The following CAMK2D variants were observed in gnomAD, a reference collection of about 807,000 sequenced individuals.
CAMK2D encodes calcium/calmodulin-dependent protein kinase type II subunit delta.
In CAMK2D, 37 loss-of-function variants were observed where a neutral mutation model predicts 84.0. That is an observed-to-expected ratio of 0.44 (90% CI 0.34 to 0.58). The LOEUF is 0.58. Among genes scored for constraint, CAMK2D ranks in the 20% least tolerant of loss-of-function variants. The pLI, the probability that CAMK2D is intolerant of heterozygous loss-of-function variation, is 0.02. For missense variants in CAMK2D, 448 were observed against 652.5 expected (o/e 0.69, Z 3.41); for synonymous variants, 202 against 212.5 (o/e 0.95, Z 0.43).
intron 12 of CAMK2D, among the ~76,000 whole-genome samples, chr4:113,510,296 A>G (rs2154161117): frequency 6.6e-6 from 1 of 152,338 alleles, no homozygotes; most frequent in South Asian, 2.1e-4. Flanking sequence ...GGCATTATGT[A>G]TTCTTTTATA....
At chr4:113,503,188 A>T in intron 14 of CAMK2D, 1 of 725,370 alleles carries the variant, frequency 1.4e-6, no homozygotes, top group Non-Finnish European at 2.5e-6. Context: ...CCTACCCAGA[A>T]GCAGCATGCA....
chr4:113,663,593 T>A (rs935913137), intron 2 of CAMK2D, among the ~76,000 whole-genome samples: 1 of 147,250 alleles, frequency 6.8e-6, no homozygotes, highest in Non-Finnish European at 1.5e-5. Flanking sequence ...TGTCTAAAAA[T>A]AATAATAATA....
At chr4:113,743,711 A>C (rs2099598193) in intron 2 of CAMK2D, among the ~76,000 whole-genome samples, 1 of 152,114 alleles carries the variant, frequency 6.6e-6, no homozygotes, top group Non-Finnish European at 1.5e-5. Flanking sequence ...TTGCATTATC[A>C]GTCCTTCTCT....
chr4:113,552,573 A>C (rs985649967), intron 4 of CAMK2D, among the ~76,000 whole-genome samples: 3 of 152,232 alleles, frequency 2.0e-5, no homozygotes, highest in African/African-American at 7.2e-5. Flanking sequence ...TTCCCACAAA[A>C]GTGGGATCAC....
chr4:113,611,534 G>A (rs2099000387), intron 3 of CAMK2D, among the ~76,000 whole-genome samples: 1 of 152,114 alleles, frequency 6.6e-6, no homozygotes, highest in African/African-American at 2.4e-5. Context: ...AGGTGCAGGT[G>A]GGATCTCAGG....
chr4:113,588,641 C>T (rs566988057), intron 4 of CAMK2D, among the ~76,000 whole-genome samples: 11 of 152,224 alleles, frequency 7.2e-5, no homozygotes, highest in African/African-American at 2.6e-4. Context: ...GAAAGAAAAC[C>T]TAAAACATTC....
chr4:113,531,967 G>T (rs1030632377), intron 7 of CAMK2D, among the ~76,000 whole-genome samples: 12 of 152,000 alleles, frequency 7.9e-5, no homozygotes, highest in African/African-American at 2.9e-4. Flanking sequence ...AAATAAAAAT[G>T]TTTACTTGAA....
chr4:113,723,922 A>G (rs533759493), intron 2 of CAMK2D, among the ~76,000 whole-genome samples: 1 of 152,312 alleles, frequency 6.6e-6, no homozygotes, highest in South Asian at 2.1e-4. Flanking sequence ...TATGAAGTGA[A>G]TAAATTTTAT....
intron 4 of CAMK2D, among the ~76,000 whole-genome samples, chr4:113,588,604 A>G (rs2098844614): frequency 6.6e-6 from 1 of 152,210 alleles, no homozygotes; most frequent in African/African-American, 2.4e-5. Context: ...CTGAGGCACC[A>G]TTATGTAACC....
rs545186106 is a variant in CAMK2D, at chr4:113,514,140, C to T, written c.820-227G>A. Among the ~76,000 whole-genome samples, 8 of 152,260 alleles carry T rather than the reference C, an allele frequency of 5.3e-5. No individual in the cohort carries two copies. In the East Asian group the frequency reaches 5.8e-4, roughly 11 times the overall value. ...ATAGAAAGTATAGAAATGGGCCGGG[C>T]GCGGTGGGTCACGCCTGTAATTCCA... On this transcript the variant is annotated intron_variant, in intron 10 of 20. Coordinates refer to ENST00000511664, the MANE Select transcript of CAMK2D (RefSeq NM_001321571.2).
rs537111548 is a variant in CAMK2D, at chr4:113,645,291, T to C, written c.220+16422A>G. Among the ~76,000 whole-genome samples, 229 of 152,258 alleles carry C rather than the reference T, an allele frequency of 1.5e-3. 1 individual carries two copies. The highest frequency in any genetic ancestry group is 5.2e-3 in the African/African-American group (217 of 41,566). ...TCAGCCTCCAAAAGTGCTGGGATTT[T>C]AGGCATGAGCCACCATGCCCGGCCT... On this transcript the variant is annotated intron_variant, in intron 3 of 20. Coordinates refer to ENST00000511664, the MANE Select transcript of CAMK2D (RefSeq NM_001321571.2).
chr4:113,641,975 A>G (rs529476833), intron 3 of CAMK2D, among the ~76,000 whole-genome samples: 1 of 152,236 alleles, frequency 6.6e-6, no homozygotes, highest in South Asian at 2.1e-4. Flanking sequence ...ATGCCACTGC[A>G]CTCCAGCCTG....
intron 4 of CAMK2D, among the ~76,000 whole-genome samples, chr4:113,582,480 G>T (rs2098814893): frequency 6.6e-6 from 1 of 152,082 alleles, no homozygotes. Context: ...TCAAGTCAAA[G>T]TATGTTTCTA....
rs1249417864 is a variant in CAMK2D, at chr4:113,547,514, TC to T, written c.414+129del. ...AAGAGAGACTGTGGTGAGGGAAAGTTCCTGAGTAACGTGCTGGAATAAGTCC... is the reference window on the plus strand; with the variant it reads ...AAGAGAGACTGTGGTGAGGGAAAGTTCTGAGTAACGTGCTGGAATAAGTCC... On this transcript the variant is annotated intron_variant, in intron 6 of 20. Coordinates refer to ENST00000511664, the MANE Select transcript of CAMK2D (RefSeq NM_001321571.2). 30 of 499,138 alleles carry T rather than the reference TC, an allele frequency of 6.0e-5. No homozygotes were observed. In the Admixed American group the frequency reaches 6.6e-4, roughly 11 times the overall value. The allele number at this position is 499,138 out of a possible 1,614,324, so 30.9% of individuals were successfully genotyped here.
intron 13 of CAMK2D, among the ~76,000 whole-genome samples, chr4:113,505,418 C>T (rs1263113802): frequency 3.3e-5 from 5 of 152,096 alleles, no homozygotes; most frequent in African/African-American, 1.2e-4. Flanking sequence ...ATATTTCTTT[C>T]TTCCCTCATT....
At chr4:113,537,484 C>G (rs200204204) in intron 6 of CAMK2D, 41 bp from the exon 7 acceptor site, 2 of 1,187,416 alleles carry the variant, frequency 1.7e-6, no homozygotes, top group Non-Finnish European at 2.5e-6. Flanking sequence ...AAGTGAGAAC[C>G]TATTTTAAGC....
intron 3 of CAMK2D, among the ~76,000 whole-genome samples, chr4:113,614,291 C>T (rs891734939): frequency 6.6e-5 from 10 of 152,026 alleles, no homozygotes; most frequent in Admixed American, 4.6e-4. Context: ...CTATCTGTTC[C>T]TCTTCACTAA....
intron 3 of CAMK2D, among the ~76,000 whole-genome samples, chr4:113,659,493 G>A (rs998894255): frequency 7.2e-5 from 11 of 152,174 alleles, no homozygotes; most frequent in Non-Finnish European, 1.3e-4. Context: ...TTATCAGTGT[G>A]GGCCCTAATC....
chr4:113,733,191 T>C (rs1352197209), intron 2 of CAMK2D, among the ~76,000 whole-genome samples: 1 of 152,126 alleles, frequency 6.6e-6, no homozygotes, highest in African/African-American at 2.4e-5. Flanking sequence ...CAAACCAGAA[T>C]CAGGAATGAA....
Sources: allele counts gnomAD v4.1 joint callset (sites outside exome capture counted in the v4.1 genomes callset), GRCh38; gene constraint gnomAD v4.1.1; transcripts MANE v1.5; gene names NCBI Gene and HGNC (gene_info 2026-07-23, HGNC 2026-07-21).